The following ALK variants were observed in gnomAD, a reference collection of about 807,000 sequenced individuals.
ALK encodes ALK tyrosine kinase receptor.
In ALK, 74 loss-of-function variants were observed where a neutral mutation model predicts 163.1. The observed-to-expected ratio is 0.45, with a 90% CI of 0.38 to 0.55. ALK has a LOEUF of 0.55. ALK is among the 20% of genes least tolerant of loss of function. ALK has a pLI of 0.00. For synonymous variants in ALK, 960 were observed against 843.2 expected, an observed-to-expected ratio of 1.14 and a Z score of -2.40; for missense variants, 2,063 against 2,105.3, an observed-to-expected ratio of 0.98 and a Z score of 0.39.
chr2:29,797,010 A>ACC (rs1664333449), intron 1 of ALK, among the ~76,000 whole-genome samples: 1 of 151,800 alleles, frequency 6.6e-6, no homozygotes, highest in Non-Finnish European at 1.5e-5. Flanking sequence ...CCACACACAC[A>ACC]CACACACACA....
At chr2:29,312,507 T>G (rs182676671) in intron 8 of ALK, among the ~76,000 whole-genome samples, 29 of 152,310 alleles carry the variant, frequency 1.9e-4, no homozygotes, top group Admixed American at 3.3e-4. Context: ...AGCTGGATTC[T>G]TCTGGTCACA....
At chr2:29,919,659 T>A (rs1036535330) in intron 1 of ALK, among the ~76,000 whole-genome samples, 1 of 152,102 alleles carries the variant, frequency 6.6e-6, no homozygotes, top group Admixed American at 6.5e-5. Context: ...CTGGAAGTAA[T>A]CGGGGCATTT....
intron 3 of ALK, among the ~76,000 whole-genome samples, chr2:29,612,390 C>T (rs1054653060): frequency 6.6e-6 from 1 of 152,096 alleles, no homozygotes; most frequent in Non-Finnish European, 1.5e-5. Flanking sequence ...ACTCTGCTTC[C>T]TTGGTTTCAA....
At chr2:29,590,995 T>C (rs959196876) in intron 3 of ALK, among the ~76,000 whole-genome samples, 24 of 135,356 alleles carry the variant, frequency 1.8e-4, no homozygotes, top group Non-Finnish European at 2.9e-4. Context: ...GGCATGAACC[T>C]GGGAGGCGGA....
intron 4 of ALK, among the ~76,000 whole-genome samples, chr2:29,422,198 C>G (rs2148067763): frequency 6.6e-6 from 1 of 151,526 alleles, no homozygotes; most frequent in South Asian, 2.1e-4. Flanking sequence ...TAAAAGTCTT[C>G]AAAGAACTTT....
At chr2:29,839,210 A>G (rs1665638730) in intron 1 of ALK, among the ~76,000 whole-genome samples, 1 of 152,132 alleles carries the variant, frequency 6.6e-6, no homozygotes, top group Admixed American at 6.6e-5. Context: ...TTTTGAGGAG[A>G]TGGCTGGGTC....
chr2:29,599,902 AC>A (rs1314565654), intron 3 of ALK, among the ~76,000 whole-genome samples: 6 of 152,196 alleles, frequency 3.9e-5, no homozygotes. Context: ...GGGCTGGGTC[AC>A]CATGCTCACT....
At chr2:29,542,282 T>C (rs1233189838) in intron 3 of ALK, among the ~76,000 whole-genome samples, 1 of 152,246 alleles carries the variant, frequency 6.6e-6, no homozygotes, top group Non-Finnish European at 1.5e-5. Context: ...ATCTGTCTTC[T>C]TTACCATATC....
intron 3 of ALK, among the ~76,000 whole-genome samples, chr2:29,563,127 G>C (rs1324309286): frequency 6.6e-6 from 1 of 152,192 alleles, no homozygotes; most frequent in Non-Finnish European, 1.5e-5. Context: ...TTGCTTCTTA[G>C]GCAGCCTAAC....
intron 1 of ALK, among the ~76,000 whole-genome samples, chr2:29,784,180 CAA>C (rs1201135102): frequency 2.0e-5 from 3 of 152,056 alleles, no homozygotes; most frequent in Admixed American, 6.5e-5. Context: ...TAGGAAACCA[CAA>C]GAGAAGTATA....
chr2:29,506,562 C>A (rs139625806), intron 4 of ALK, among the ~76,000 whole-genome samples: 1 of 151,908 alleles, frequency 6.6e-6, no homozygotes, highest in Non-Finnish European at 1.5e-5. Flanking sequence ...CTGGCCAACA[C>A]GGTGAAACCC....
chr2:29,328,629 A>C, intron 5 of ALK, 148 bp from the exon 6 acceptor site: 13 of 1,114,632 alleles, frequency 1.2e-5, no homozygotes, highest in African/African-American at 3.1e-5. Context: ...AGACATCTGC[A>C]TCTCCATCTG....
chr2:29,706,555 T>C (rs1399643877), intron 2 of ALK, among the ~76,000 whole-genome samples: 3 of 152,126 alleles, frequency 2.0e-5, no homozygotes, highest in African/African-American at 4.8e-5. Context: ...TCTGTTTAGC[T>C]CACTTATAAT....
At chr2:29,630,675 T>A (rs1173197635) in intron 3 of ALK, among the ~76,000 whole-genome samples, 1 of 152,224 alleles carries the variant, frequency 6.6e-6, no homozygotes, top group Non-Finnish European at 1.5e-5. Context: ...TCTAGATTAA[T>A]GCTTTGCTTT....
intron 4 of ALK, among the ~76,000 whole-genome samples, chr2:29,448,159 G>A (rs779556962): frequency 1.3e-5 from 2 of 152,008 alleles, no homozygotes; most frequent in Non-Finnish European, 2.9e-5. Flanking sequence ...CACTGCTAAC[G>A]GACACAGTTC....
intron 3 of ALK, among the ~76,000 whole-genome samples, chr2:29,598,763 G>A (rs749737292): frequency 3.3e-5 from 5 of 152,152 alleles, no homozygotes; most frequent in Non-Finnish European, 5.9e-5. Flanking sequence ...ATGGGAGCAT[G>A]AGAAATTTTT....
At chr2:29,742,518 C>T (rs1418925300) in intron 1 of ALK, among the ~76,000 whole-genome samples, 1 of 152,200 alleles carries the variant, frequency 6.6e-6, no homozygotes, top group Non-Finnish European at 1.5e-5. Flanking sequence ...TGCCAAGGTC[C>T]TTCCTGGCTC....
intron 1 of ALK, among the ~76,000 whole-genome samples, chr2:29,838,714 C>G (rs1665628031): frequency 6.6e-6 from 1 of 152,036 alleles, no homozygotes; most frequent in Non-Finnish European, 1.5e-5. Context: ...CTAGAACAGA[C>G]AAAAGGAACC....
chr2:29,338,211 A>G (rs1244355790), intron 5 of ALK, among the ~76,000 whole-genome samples: 4 of 152,226 alleles, frequency 2.6e-5, no homozygotes, highest in African/African-American at 7.2e-5. Flanking sequence ...GCAGCAAAAC[A>G]ATAACTGAAA....
Sources: gnomAD v4.1 joint callset for allele counts (sites outside exome capture counted in the v4.1 genomes callset) on GRCh38, gnomAD v4.1.1 for gene constraint, MANE v1.5 for transcripts, NCBI Gene and HGNC (gene_info 2026-07-23, HGNC 2026-07-21) for gene names.